Variants in AFG1L observed in about 807,000 individuals in gnomAD.
The protein encoded by AFG1L is AFG1 like ATPase.
Under a neutral mutation model 62.2 loss-of-function variants are expected in AFG1L, and 53 were observed. The ratio of observed to expected loss-of-function variants is 0.85; its 90% CI spans 0.68 to 1.07. The LOEUF is 1.07. Ranked by LOEUF, AFG1L falls within the 50% of genes least tolerant of loss-of-function variation. AFG1L has a pLI of 0.00. For synonymous variants in AFG1L, 228 were observed against 210.3 expected (o/e 1.08, Z -0.73); for missense variants, 555 against 590.5 (o/e 0.94, Z 0.62).
chr6:108,353,587 T>C (rs1041834549), intron 3 of AFG1L, among the ~76,000 whole-genome samples: 14 of 152,154 alleles, frequency 9.2e-5, no homozygotes, highest in African/African-American at 3.4e-4. Context: ...TTTTTTTTTT[T>C]TAATAGTCGT....
intron 8 of AFG1L, among the ~76,000 whole-genome samples, chr6:108,466,769 A>G (rs899371136): frequency 6.8e-6 from 1 of 147,960 alleles, no homozygotes; most frequent in African/African-American, 2.4e-5. Flanking sequence ...AAATATATAT[A>G]TTTTAAAAAA....
chr6:108,320,530 G>A (rs1359570588), intron 1 of AFG1L, among the ~76,000 whole-genome samples: 1 of 152,100 alleles, frequency 6.6e-6, no homozygotes, highest in Non-Finnish European at 1.5e-5. Context: ...AGGGGTTGGA[G>A]TTTCTGAAAA....
chr6:108,441,202 T>C (rs377360434), intron 7 of AFG1L, among the ~76,000 whole-genome samples: 1 of 152,214 alleles, frequency 6.6e-6, no homozygotes, highest in East Asian at 1.9e-4. Context: ...TATAAAGTTA[T>C]TTTGTGAGAT....
intron 6 of AFG1L, among the ~76,000 whole-genome samples, chr6:108,369,835 C>G (rs1779916982): frequency 6.6e-6 from 1 of 152,046 alleles, no homozygotes. Context: ...GTCTTGAACT[C>G]CTGACCTCAG....
At chr6:108,512,970 G>A (rs1232066595) in intron 11 of AFG1L, among the ~76,000 whole-genome samples, 1 of 152,132 alleles carries the variant, frequency 6.6e-6, no homozygotes, top group East Asian at 1.9e-4. Context: ...TATAAGAGGA[G>A]GTAGAAGGCC....
At chr6:108,436,264 C>A (rs1771303633) in intron 7 of AFG1L, among the ~76,000 whole-genome samples, 1 of 151,850 alleles carries the variant, frequency 6.6e-6, no homozygotes, top group African/African-American at 2.4e-5. Context: ...CCTGTCTCAG[C>A]CTCCTGAGTA....
chr6:108,304,133 AG>A (rs1209664230), intron 1 of AFG1L, among the ~76,000 whole-genome samples: 2 of 152,212 alleles, frequency 1.3e-5, no homozygotes, highest in Non-Finnish European at 2.9e-5. Flanking sequence ...TTAAATCAAA[AG>A]CACCCTTTTA....
At chr6:108,400,237 T>C (rs1163956042) in intron 6 of AFG1L, among the ~76,000 whole-genome samples, 4 of 152,100 alleles carry the variant, frequency 2.6e-5, no homozygotes, top group African/African-American at 9.7e-5. Flanking sequence ...TGAATAACAA[T>C]GGTGAAAGTG....
intron 1 of AFG1L, among the ~76,000 whole-genome samples, chr6:108,317,543 G>C (rs1005469425): frequency 4.6e-5 from 7 of 152,172 alleles, no homozygotes; most frequent in African/African-American, 1.2e-4. Flanking sequence ...TGTAGAAGCA[G>C]TTGGAGAAGT....
chr6:108,328,872 A>G (rs1221382969), intron 2 of AFG1L, among the ~76,000 whole-genome samples: 1 of 152,192 alleles, frequency 6.6e-6, no homozygotes, highest in African/African-American at 2.4e-5. Context: ...TGAGTTGGCT[A>G]TGATGGGCCA....
At position 108,524,349 on chromosome 6, in the gene AFG1L, G is replaced by T. The variant is rs1321146229; in HGVS notation, c.*1924G>T. ...AGACAGATAGATGGACAGTATGACC[G>T]ATAGACAGACCTGTCCCTGAGTGTG... On this transcript the variant is annotated 3_prime_UTR_variant, in exon 13 of 13. Coordinates refer to ENST00000368977, the MANE Select transcript of AFG1L (RefSeq NM_145315.5). 6.6e-6 allele frequency: 1 copy of T among 152,162 alleles called. No individual in the cohort carries two copies. The highest frequency in any genetic ancestry group is 1.5e-5 in the Non-Finnish European group (1 of 68,026). The allele number at this position is 152,162 out of a possible 1,614,324, so 9.4% of individuals were successfully genotyped here. A position where few individuals can be genotyped will look rare whatever the true frequency, so the allele number is the denominator to read the frequency against.
At chr6:108,504,343 T>G (rs968131941) in intron 10 of AFG1L, among the ~76,000 whole-genome samples, 2 of 152,196 alleles carry the variant, frequency 1.3e-5, no homozygotes, top group Non-Finnish European at 2.9e-5. Context: ...TGTTATTAAT[T>G]GACCTAATTT....
chr6:108,409,997 T>TC (rs1782028285), intron 7 of AFG1L, among the ~76,000 whole-genome samples: 1 of 152,032 alleles, frequency 6.6e-6, no homozygotes, highest in Non-Finnish European at 1.5e-5. Context: ...TATTGTATGA[T>TC]CCCCCCATCA....
chr6:108,393,670 C>A (rs1338091913), intron 6 of AFG1L, among the ~76,000 whole-genome samples: 1 of 152,040 alleles, frequency 6.6e-6, no homozygotes, highest in Non-Finnish European at 1.5e-5. Flanking sequence ...ATCTCAGAGC[C>A]TTATACATCC....
chr6:108,480,648 A>C (rs945840271), intron 10 of AFG1L, among the ~76,000 whole-genome samples: 1 of 152,132 alleles, frequency 6.6e-6, no homozygotes. Context: ...AAATATAGAA[A>C]TTAGCCGGGC....
chr6:108,516,028 G>A (rs994540235), intron 11 of AFG1L, among the ~76,000 whole-genome samples: 1 of 151,986 alleles, frequency 6.6e-6, no homozygotes, highest in African/African-American at 2.4e-5. Flanking sequence ...CAACCAAAAC[G>A]AGTCCAGGAC....
chr6:108,361,054 T>C (rs1779506765), intron 5 of AFG1L, among the ~76,000 whole-genome samples: 1 of 152,254 alleles, frequency 6.6e-6, no homozygotes, highest in South Asian at 2.1e-4. Context: ...CATAGGTGTT[T>C]ACAGCATGCC....
intron 7 of AFG1L, among the ~76,000 whole-genome samples, chr6:108,416,001 G>A (rs1444727780): frequency 1.3e-5 from 2 of 151,972 alleles, no homozygotes; most frequent in Admixed American, 6.6e-5. Context: ...AGAATGGGAG[G>A]AAATTTTTGC....
chr6:108,296,842 A>C lies in AFG1L; in HGVS notation c.139+1624A>C, dbSNP rs148904009. Among the ~76,000 whole-genome samples the C allele has an allele frequency of 4.1e-3, 619 of 152,318 alleles. 4 individuals are homozygous for C. Among genetic ancestry groups the C allele is most frequent in the African/African-American group, 0.014 (584 of 41,560 alleles). ...TTATTCTGTGTCATACAATATACTA[A>C]GTACTTTCTACATACATTATCTTAT... On this transcript the variant is annotated intron_variant, in intron 1 of 12. Coordinates refer to ENST00000368977, the MANE Select transcript of AFG1L (RefSeq NM_145315.5).
Sources: allele counts gnomAD v4.1 joint callset (sites outside exome capture counted in the v4.1 genomes callset), GRCh38; gene constraint gnomAD v4.1.1; transcripts MANE v1.5; gene names NCBI Gene and HGNC (gene_info 2026-07-23, HGNC 2026-07-21).